The following PDCD1LG2 variants were observed in gnomAD, a reference collection of about 807,000 sequenced individuals.
The protein encoded by PDCD1LG2 is programmed cell death 1 ligand 2.
A neutral mutation model predicts 28.2 loss-of-function variants in PDCD1LG2; 32 were observed. That is an observed-to-expected ratio of 1.13 (90% CI 0.86 to 1.52). PDCD1LG2 has a LOEUF of 1.52. Among genes scored for constraint, PDCD1LG2 ranks in the 40% most tolerant of loss-of-function variants. PDCD1LG2 has a pLI of 0.00. For synonymous variants in PDCD1LG2, 116 were observed against 120.2 expected, an observed-to-expected ratio of 0.97 and a Z score of 0.23; for missense variants, 385 against 323.8, an observed-to-expected ratio of 1.19 and a Z score of -1.45.
chr9:5,524,480 T>A (rs1270391262), intron 2 of PDCD1LG2, among the ~76,000 whole-genome samples: 2 of 152,254 alleles, frequency 1.3e-5, no homozygotes, highest in Non-Finnish European at 2.9e-5. Flanking sequence ...TTTGGAATTC[T>A]TTTCTGCTTT....
At chr9:5,527,424 A>G (rs1262279197) in intron 2 of PDCD1LG2, among the ~76,000 whole-genome samples, 1 of 152,228 alleles carries the variant, frequency 6.6e-6, no homozygotes, top group African/African-American at 2.4e-5. Context: ...ATCCTTTTGT[A>G]TCTGGCTTCT....
At chr9:5,552,078 T>A (rs1437835062) in intron 4 of PDCD1LG2, among the ~76,000 whole-genome samples, 1 of 152,198 alleles carries the variant, frequency 6.6e-6, no homozygotes, top group Non-Finnish European at 1.5e-5. Context: ...CTAAGAGATC[T>A]GAGCTTTTGA....
intron 2 of PDCD1LG2, among the ~76,000 whole-genome samples, chr9:5,530,609 G>A (rs1045516249): frequency 3.9e-5 from 6 of 152,184 alleles, no homozygotes; most frequent in Non-Finnish European, 8.8e-5. Context: ...CCGGTTCCAT[G>A]AGCTACCATT....
chr9:5,566,486 TAGA>T (rs1313793671), intron 6 of PDCD1LG2, among the ~76,000 whole-genome samples: 1 of 152,200 alleles, frequency 6.6e-6, no homozygotes, highest in Non-Finnish European at 1.5e-5. Flanking sequence ...TATTTCTGGG[TAGA>T]AGATGTAAGA....
At chr9:5,550,254 T>C (rs1158252818) in intron 4 of PDCD1LG2, among the ~76,000 whole-genome samples, 1 of 152,190 alleles carries the variant, frequency 6.6e-6, no homozygotes, top group African/African-American at 2.4e-5. Context: ...CTATGCTGGA[T>C]ATTTTTGGAA....
intron 3 of PDCD1LG2, among the ~76,000 whole-genome samples, chr9:5,549,044 G>T (rs994234209): frequency 2.0e-5 from 3 of 152,138 alleles, no homozygotes; most frequent in Non-Finnish European, 4.4e-5. Flanking sequence ...GGTCCTACCA[G>T]TTATAAGCTC....
At chr9:5,522,468 G>T in intron 1 of PDCD1LG2, 65 bp from the exon 2 acceptor site, 3 of 1,289,618 alleles carry the variant, frequency 2.3e-6, no homozygotes, top group Middle Eastern at 1.9e-4. Context: ...TTTCAAAAGT[G>T]AACAAAGAAC....
At chr9:5,550,154 A>G (rs1430770413) in intron 4 of PDCD1LG2, among the ~76,000 whole-genome samples, 1 of 152,208 alleles carries the variant, frequency 6.6e-6, no homozygotes, top group Non-Finnish European at 1.5e-5. Flanking sequence ...CAGGATGAAT[A>G]TTCCTTTGCT....
At chr9:5,551,507 G>C (rs1338977833) in intron 4 of PDCD1LG2, among the ~76,000 whole-genome samples, 1 of 152,198 alleles carries the variant, frequency 6.6e-6, no homozygotes, top group Admixed American at 6.5e-5. Context: ...AGCCTCCTAA[G>C]ATGTCTACTC....
chr9:5,526,551 C>T (rs1586797428), intron 2 of PDCD1LG2, among the ~76,000 whole-genome samples: 1 of 152,308 alleles, frequency 6.6e-6, no homozygotes, highest in Non-Finnish European at 1.5e-5. Context: ...GAGTCTCCTG[C>T]CTCAATCTCC....
intron 3 of PDCD1LG2, among the ~76,000 whole-genome samples, chr9:5,542,146 TG>T (rs1229443035): frequency 1.3e-5 from 2 of 152,132 alleles, no homozygotes; most frequent in Non-Finnish European, 2.9e-5. Context: ...AAGAATAAAC[TG>T]GATCCTCATA....
At chr9:5,525,002 G>T (rs1019060456) in intron 2 of PDCD1LG2, among the ~76,000 whole-genome samples, 3 of 152,138 alleles carry the variant, frequency 2.0e-5, no homozygotes, top group African/African-American at 7.2e-5. Context: ...TTAAATCAAT[G>T]TGATGCTTAG....
At position 5,534,788 on chromosome 9, in the gene PDCD1LG2, G is replaced by T. The variant is rs1820548093; in HGVS notation, c.99G>T (p.Glu33Asp). 1 of 1,614,044 alleles carries T rather than the reference G, an allele frequency of 6.2e-7. No individual in the cohort carries two copies. The highest frequency in any genetic ancestry group is 8.5e-7 in the Non-Finnish European group (1 of 1,179,956). ...VTVPKELYIIEHGSNVTLECN... is the reference protein window; with the variant it reads ...VTVPKELYIIDHGSNVTLECN... ...TCCCTAAGGAACTGTACATAATAGAGCATGGCAGCAATGTGACCCTGGAAT... is the reference window on the plus strand; with the variant it reads ...TCCCTAAGGAACTGTACATAATAGATCATGGCAGCAATGTGACCCTGGAAT... The change falls in exon 3 of 7, where the codon GAG (glutamate) becomes GAT (aspartate). Residue 33 changes from glutamate (E) to aspartate (D), a missense_variant. Coordinates refer to ENST00000397747, the MANE Select transcript of PDCD1LG2 (RefSeq NM_025239.4).
At chr9:5,534,642 C>A (rs746324973) in intron 2 of PDCD1LG2, 103 bp from the exon 3 acceptor site, 2 of 1,012,456 alleles carry the variant, frequency 2.0e-6, no homozygotes, top group African/African-American at 3.3e-5. Context: ...AAGACAGGTG[C>A]CTTTTGGAAA....
chr9:5,526,014 T>A (rs1356718693), intron 2 of PDCD1LG2, among the ~76,000 whole-genome samples: 1 of 146,942 alleles, frequency 6.8e-6, no homozygotes, highest in East Asian at 2.0e-4. Context: ...GCCACTGCAC[T>A]CTAGCCTGGG....
chr9:5,530,958 C>T (rs1183697880), intron 2 of PDCD1LG2, among the ~76,000 whole-genome samples: 4 of 152,196 alleles, frequency 2.6e-5, no homozygotes, highest in African/African-American at 7.2e-5. Context: ...GAGGACAACA[C>T]TTTGAAGGCA....
At chr9:5,531,909 T>G (rs927760169) in intron 2 of PDCD1LG2, among the ~76,000 whole-genome samples, 6 of 152,228 alleles carry the variant, frequency 3.9e-5, no homozygotes, top group Non-Finnish European at 5.9e-5. Context: ...TTACTACATA[T>G]TTGATGAATA....
At chr9:5,559,105 T>C (rs1816506265) in intron 5 of PDCD1LG2, among the ~76,000 whole-genome samples, 1 of 152,148 alleles carries the variant, frequency 6.6e-6, no homozygotes, top group South Asian at 2.1e-4. Flanking sequence ...GTTCCAGCTG[T>C]CTTTGGGAGA....
At chr9:5,516,395 A>G (rs186209309) in intron 1 of PDCD1LG2, among the ~76,000 whole-genome samples, 35 of 152,174 alleles carry the variant, frequency 2.3e-4, no homozygotes, top group Admixed American at 3.9e-4. Context: ...GAGTGTGCTG[A>G]TTGGCCCATG....
Sources: allele counts gnomAD v4.1 joint callset (sites outside exome capture counted in the v4.1 genomes callset), GRCh38; gene constraint gnomAD v4.1.1; transcripts MANE v1.5; gene names NCBI Gene and HGNC (gene_info 2026-07-23, HGNC 2026-07-21).